Variants in PHKA2 observed in about 807,000 individuals in gnomAD.
PHKA2 encodes phosphorylase kinase regulatory subunit alpha 2.
A neutral mutation model predicts 102.0 loss-of-function variants in PHKA2; 31 were observed. The observed-to-expected ratio is 0.30, with a 90% confidence interval of 0.23 to 0.41. PHKA2 has a LOEUF of 0.41. Ranked by LOEUF, PHKA2 falls within the 10% of genes least tolerant of loss-of-function variation. The pLI, the probability that PHKA2 is intolerant of heterozygous loss-of-function variation, is 1.00. For missense variants in PHKA2, 858 were observed against 1,023.1 expected (o/e 0.84, Z 2.20); for synonymous variants, 455 against 416.2 (o/e 1.09, Z -1.13).
At chrX:18,920,290 GGTGCTTCTGCCAGAATCA>G in intron 17 of PHKA2, 89 bp from the exon 18 acceptor site, 1 of 558,467 alleles carries the variant, frequency 1.8e-6, no homozygotes, top group Middle Eastern at 4.8e-4. Flanking sequence ...ACAACCATGT[GGTGCTTCTGCCAGAATCA>G]ATACATATAT....
intron 30 of PHKA2, 136 bp from the exon 31 acceptor site, chrX:18,895,327 CAG>C (rs1555988672): frequency 3.3e-5 from 19 of 572,540 alleles, no homozygotes; most frequent in East Asian, 1.4e-4. Flanking sequence ...GCCAGACTGT[CAG>C]AGTTATTTTT....
chrX:18,979,528 A>C (rs1472632252), intron 1 of PHKA2, among the ~76,000 whole-genome samples: 1 of 112,058 alleles, frequency 8.9e-6, no homozygotes, highest in Non-Finnish European at 1.9e-5. Flanking sequence ...CAAAGTTCAT[A>C]TTTCTTACCT....
intron 11 of PHKA2, among the ~76,000 whole-genome samples, chrX:18,933,555 G>A (rs1033918862): frequency 8.9e-6 from 1 of 112,653 alleles, no homozygotes; most frequent in African/African-American, 3.2e-5. Context: ...AATGAGTGGG[G>A]CTCACATCCA....
rs2047816691 is a variant in PHKA2, at chrX:18,906,585, G to C, written c.2716C>G (p.Pro906Ala). ...VYLAMYVRAQ[P>A]SLFVEMLRLR... ...CTCAGCATCTCCACAAAGAGGCTGGGCTGCGCCCTGACATACATGGCCAGG... is the reference window on the plus strand; with the variant it reads ...CTCAGCATCTCCACAAAGAGGCTGGCCTGCGCCCTGACATACATGGCCAGG... The change falls in exon 25 of 33, where the codon CCC becomes GCC. Residue 906 changes from proline to alanine, a missense_variant. This residue lies in a region of PHKA2 where 671 missense variants were observed against 745.2 expected (regional missense o/e 0.90). Coordinates refer to ENST00000379942, the MANE Select transcript of PHKA2 (RefSeq NM_000292.3). The C allele has an allele frequency of 8.3e-7, 1 of 1,198,999 alleles. No individual in the cohort carries two copies. The highest frequency in any genetic ancestry group is 1.1e-6 in the Non-Finnish European group (1 of 884,295).
rs774453110 is a variant in PHKA2 at position 18,906,513 on chromosome X, G to C, written c.2788C>G (p.Arg930Gly). 1.1e-5 allele frequency: 13 copies of C among 1,212,097 alleles called. No individual in the cohort carries two copies. The highest frequency in any genetic ancestry group is 1.5e-5 in the Non-Finnish European group (13 of 895,330). The change falls in exon 25 of 33, where the codon CGG (arginine) becomes GGG (glycine). Residue 930 changes from arginine to glycine, a missense_variant. By Grantham distance (125) the Arg-to-Gly change is moderately radical. Transcript: ENST00000379942. ...IIQVMATELARSLNCSGEEAS... is the reference protein window; with the variant it reads ...IIQVMATELAGSLNCSGEEAS... ...ATCTCACCTGAGCAGTTCAGGCTCC[G>C]TGCCAGCTCCGTGGCCATCACCTGA...
At chrX:18,976,088 C>A (rs748541862) in intron 1 of PHKA2, among the ~76,000 whole-genome samples, 24 of 105,300 alleles carry the variant, frequency 2.3e-4, no homozygotes, top group Non-Finnish European at 4.6e-4. Flanking sequence ...GATTCTCATG[C>A]CTCAGCCTCC....
intron 12 of PHKA2, among the ~76,000 whole-genome samples, chrX:18,930,247 C>G (rs896412027): frequency 8.9e-6 from 1 of 111,753 alleles, no homozygotes; most frequent in Admixed American, 9.5e-5. Flanking sequence ...TTGGCCCCCA[C>G]GCTACCACCA....
chrX:18,895,513 G>A lies in PHKA2; in HGVS notation c.3283-322C>T, dbSNP rs186584622. 4.1e-4 allele frequency: 120 copies of A among 293,782 alleles called. 1 individual carries two copies. The highest frequency in any genetic ancestry group is 2.7e-3 in the African/African-American group (101 of 37,404). The allele number at this position is 293,782 out of a possible 1,213,427, so 24.2% of individuals were successfully genotyped here. ...GCCCGGGCGGCTGCGAGGCCCCTTTGGTGCCATAATAAAGGGGGATTTTCA... is the reference window on the plus strand; with the variant it reads ...GCCCGGGCGGCTGCGAGGCCCCTTTAGTGCCATAATAAAGGGGGATTTTCA... On this transcript the variant is annotated intron_variant, in intron 30 of 32. Transcript: ENST00000379942.
Position 18,961,053 on chromosome X carries a change from T to C in PHKA2, c.79-6641A>G, listed in dbSNP as rs188561662. On this transcript the variant is annotated intron_variant, in intron 1 of 32. Transcript: ENST00000379942. ...CACAGCTGTAGACCAGTTTGAAGAATACTACCATCTCAACCATATTGAGTC... is the reference window on the plus strand; with the variant it reads ...CACAGCTGTAGACCAGTTTGAAGAACACTACCATCTCAACCATATTGAGTC... Among the ~76,000 whole-genome samples the C allele has an allele frequency of 8.0e-5, 9 of 111,985 alleles. No individual in the cohort carries two copies. The Admixed American group carries it at 8.5e-4, about 11-fold the overall frequency.
At chrX:18,899,132 G>A in intron 29 of PHKA2, 41 bp downstream of exon 29, 1 of 1,128,868 alleles carries the variant, frequency 8.9e-7, no homozygotes, top group African/African-American at 1.8e-5. Flanking sequence ...AGGACGCGAG[G>A]AGGAGCGGGG....
chrX:18,971,081 C>A (rs1210517174), intron 1 of PHKA2, among the ~76,000 whole-genome samples: 1 of 112,519 alleles, frequency 8.9e-6, no homozygotes, highest in African/African-American at 3.2e-5. Flanking sequence ...ATGACCTGGA[C>A]CCACAATGGA....
At chrX:18,921,255 C>G (rs1176598361) in intron 17 of PHKA2, among the ~76,000 whole-genome samples, 1 of 111,342 alleles carries the variant, frequency 9.0e-6, no homozygotes, top group African/African-American at 3.3e-5. Flanking sequence ...CATGGTGAAA[C>G]CCCTCTCTAC....
chrX:18,948,499 TA>T (rs1452814243), intron 5 of PHKA2, among the ~76,000 whole-genome samples: 45 of 110,577 alleles, frequency 4.1e-4, no homozygotes, highest in Non-Finnish European at 7.8e-4. Context: ...ACAAAATAAA[TA>T]AAAAAATATA....
rs947757878 is a variant in PHKA2, at chrX:18,939,389, G to A, written c.918+606C>T. 6.3e-5 allele frequency among the ~76,000 whole-genome samples: 7 copies of A among 110,960 alleles called. No homozygotes were observed. The Admixed American group carries it at 6.7e-4, about 11-fold the overall frequency. The stretch of plus-strand genomic sequence containing the variant: ...TGTAGAGACAAGGTCTCACTATGTT[G>A]CCCAGACTGGTCTCGAACTCCTGGG... On this transcript the variant is annotated intron_variant, in intron 9 of 32. Transcript: ENST00000379942.
intron 28 of PHKA2, 83 bp downstream of exon 28, chrX:18,900,587 C>A: frequency 2.2e-6 from 2 of 906,165 alleles, no homozygotes; most frequent in Non-Finnish European, 3.2e-6. Context: ...CACATTCACA[C>A]GCTGCGGAGT....
chrX:18,929,238 A>T lies in PHKA2; in HGVS notation c.1314T>A (p.Val438=). ...AACACGCTCACAAACCTTGTACTAC[A>T]ACATCAGGTTTGACTGAAGTGGAAA... The part of the protein sequence containing the change: ...RRFSTSVKPD[V]VVQVTVLAEN... Residue 438 remains valine (V), a synonymous_variant, in exon 13 of 33, where the codon GTT becomes GTA. Transcript: ENST00000379942. The T allele has an allele frequency of 8.7e-7, 1 of 1,155,307 alleles. No individual in the cohort carries two copies. The highest frequency in any genetic ancestry group is 1.2e-6 in the Non-Finnish European group (1 of 856,065).
chrX:18,938,117 A>G (rs2048422766), intron 10 of PHKA2, among the ~76,000 whole-genome samples: 1 of 112,921 alleles, frequency 8.9e-6, no homozygotes, highest in African/African-American at 3.2e-5. Context: ...ATGTGATGAA[A>G]GTGACATTTT....
At chrX:18,902,489 C>T (rs185544910) in intron 26 of PHKA2, among the ~76,000 whole-genome samples, 32 of 108,681 alleles carry the variant, frequency 2.9e-4, no homozygotes, top group Middle Eastern at 4.7e-3. Flanking sequence ...CGGCCAGGCG[C>T]GGTGGCTCAC....
At chrX:18,913,075 C>CAA (rs752580775) in intron 19 of PHKA2, among the ~76,000 whole-genome samples, 9 of 40,153 alleles carry the variant, frequency 2.2e-4, no homozygotes, top group Admixed American at 3.1e-4. Context: ...AAGACCCTGT[C>CAA]AAAAAAAAAA....
Sources: allele counts gnomAD v4.1 joint callset (sites outside exome capture counted in the v4.1 genomes callset), GRCh38; gene constraint gnomAD v4.1.1; regional missense constraint gnomAD v4.1.1; transcripts MANE v1.5; gene names NCBI Gene and HGNC (gene_info 2026-07-23, HGNC 2026-07-21).